KLHL13: variants seen among roughly 807,000 people sequenced by gnomAD.
The protein encoded by KLHL13 is kelch like family member 13, also known as kelch-like protein 13.
In KLHL13, 10 loss-of-function variants were observed where a neutral mutation model predicts 37.1. The observed-to-expected ratio is 0.27, with a 90% CI of 0.17 to 0.46. The LOEUF (loss-of-function observed/expected upper bound fraction) is 0.46, where lower values mean the gene tolerates loss of function less well. KLHL13 is among the 20% of genes least tolerant of loss of function. KLHL13 has a pLI of 1.00. For missense variants in KLHL13, 360 were observed against 509.3 expected, an observed-to-expected ratio of 0.71 and a Z score of 2.82; for synonymous variants, 163 against 181.2, an observed-to-expected ratio of 0.90 and a Z score of 0.81.
intron 1 of KLHL13, among the ~76,000 whole-genome samples, chrX:118,027,950 A>G (rs2054292833): frequency 8.9e-6 from 1 of 112,031 alleles, no homozygotes; most frequent in Non-Finnish European, 1.9e-5. Flanking sequence ...TAAATAATAA[A>G]TTTAAAATCC....
intron 1 of KLHL13, among the ~76,000 whole-genome samples, chrX:118,067,785 T>C (rs1042272689): frequency 1.9e-4 from 21 of 111,329 alleles, no homozygotes; most frequent in Non-Finnish European, 4.0e-4. Flanking sequence ...TCTCCTATGA[T>C]GATAATGCCT....
intron 1 of KLHL13, among the ~76,000 whole-genome samples, chrX:118,077,711 G>C (rs765539890): frequency 9.0e-6 from 1 of 111,000 alleles, no homozygotes; most frequent in East Asian, 2.9e-4. Flanking sequence ...AACTTGGCCT[G>C]TTCTACTATC....
chrX:117,966,889 C>T (rs1296523584), intron 1 of KLHL13, among the ~76,000 whole-genome samples: 1 of 111,855 alleles, frequency 8.9e-6, no homozygotes, highest in African/African-American at 3.3e-5. Context: ...CCCTTCCTTA[C>T]ACCTTATACA....
intron 1 of KLHL13, among the ~76,000 whole-genome samples, chrX:118,036,074 C>T (rs1402592199): frequency 1.9e-5 from 2 of 102,693 alleles, no homozygotes; most frequent in African/African-American, 7.8e-5. Flanking sequence ...CTACAAACCA[C>T]TGCTCAAGGA....
chrX:117,908,817 T>C (rs1197769496), intron 5 of KLHL13, among the ~76,000 whole-genome samples: 2 of 112,337 alleles, frequency 1.8e-5, no homozygotes, highest in Non-Finnish European at 3.8e-5. Context: ...TGTTGAACTT[T>C]GTACATTTAA....
chrX:118,075,323 G>T (rs988534367), intron 1 of KLHL13, among the ~76,000 whole-genome samples: 1 of 111,836 alleles, frequency 8.9e-6, no homozygotes, highest in African/African-American at 3.2e-5. Context: ...TTATACTGAT[G>T]ATACTGGGGA....
chrX:117,964,206 T>A (rs1036376191), intron 1 of KLHL13, among the ~76,000 whole-genome samples: 20 of 109,237 alleles, frequency 1.8e-4, no homozygotes, highest in African/African-American at 6.5e-4. Flanking sequence ...AAAAAAAAAA[T>A]TGCTTCATTT....
At chrX:118,099,554 A>C (rs1256782877) in intron 1 of KLHL13, among the ~76,000 whole-genome samples, 1 of 111,288 alleles carries the variant, frequency 9.0e-6, no homozygotes, top group Non-Finnish European at 1.9e-5. Flanking sequence ...TCACACCTAT[A>C]ATCTCAGCAC....
chrX:118,036,509 A>C (rs2054443709), intron 1 of KLHL13, among the ~76,000 whole-genome samples: 1 of 112,032 alleles, frequency 8.9e-6, no homozygotes, highest in African/African-American at 3.3e-5. Context: ...TCCCTATTTA[A>C]TAAATGATGC....
At chrX:118,048,971 C>A (rs1260225740) in intron 1 of KLHL13, among the ~76,000 whole-genome samples, 2 of 111,990 alleles carry the variant, frequency 1.8e-5, no homozygotes, top group Admixed American at 1.9e-4. Context: ...AAGTAATTCA[C>A]AAATCTAATA....
At chrX:117,969,347 C>A (rs748570248) in intron 1 of KLHL13, among the ~76,000 whole-genome samples, 1 of 111,931 alleles carries the variant, frequency 8.9e-6, no homozygotes, top group South Asian at 3.7e-4. Flanking sequence ...CCTGAAGGAA[C>A]CATTTGCTGT....
chrX:118,088,562 G>A (rs761486322), intron 1 of KLHL13, among the ~76,000 whole-genome samples: 2 of 111,781 alleles, frequency 1.8e-5, no homozygotes, highest in African/African-American at 6.5e-5. Flanking sequence ...ACAAACTAAG[G>A]AACTGTTGCC....
chrX:117,937,215 G>A (rs1022950183), intron 2 of KLHL13, among the ~76,000 whole-genome samples: 6 of 112,189 alleles, frequency 5.3e-5, no homozygotes, highest in Non-Finnish European at 9.4e-5. Flanking sequence ...ATACAAAAAT[G>A]TTCCCTGTTA....
At chrX:118,074,887 T>C (rs2054912481) in intron 1 of KLHL13, among the ~76,000 whole-genome samples, 1 of 111,677 alleles carries the variant, frequency 9.0e-6, no homozygotes, top group South Asian at 3.8e-4. Context: ...CTACTTATAT[T>C]GAGAGTTACT....
intron 2 of KLHL13, among the ~76,000 whole-genome samples, chrX:117,934,676 A>T (rs1050759747): frequency 9.1e-6 from 1 of 110,195 alleles, no homozygotes; most frequent in Non-Finnish European, 1.9e-5. Context: ...ATATATATAC[A>T]CATATATGTA....
intron 2 of KLHL13, among the ~76,000 whole-genome samples, chrX:117,932,745 G>A (rs1349327157): frequency 8.9e-6 from 1 of 111,805 alleles, no homozygotes; most frequent in Non-Finnish European, 1.9e-5. Flanking sequence ...TGGGATTGCT[G>A]GATCATATGG....
intron 1 of KLHL13, among the ~76,000 whole-genome samples, chrX:118,048,443 A>G (rs2054581858): frequency 9.0e-6 from 1 of 111,322 alleles, no homozygotes; most frequent in African/African-American, 3.3e-5. Flanking sequence ...GCAATTGTGG[A>G]AGGATACTCT....
intron 1 of KLHL13, among the ~76,000 whole-genome samples, chrX:117,983,324 G>T (rs910937522): frequency 9.0e-6 from 1 of 110,768 alleles, no homozygotes; most frequent in African/African-American, 3.3e-5. Flanking sequence ...TTAACAGCAT[G>T]ATTTACATAC....
At chrX:118,016,161 AAAAG>A (rs2054126779) in intron 1 of KLHL13, among the ~76,000 whole-genome samples, 1 of 112,175 alleles carries the variant, frequency 8.9e-6, no homozygotes, top group African/African-American at 3.2e-5. Context: ...TTTTAAAATG[AAAAG>A]AAAGATTTCC....
Sources: gnomAD v4.1 joint callset for allele counts (sites outside exome capture counted in the v4.1 genomes callset) on GRCh38, gnomAD v4.1.1 for gene constraint, MANE v1.5 for transcripts, NCBI Gene and HGNC (gene_info 2026-07-23, HGNC 2026-07-21) for gene names.